CNTRL: variants seen among roughly 807,000 people sequenced by gnomAD.
The protein encoded by CNTRL is 110 kDa centrosomal protein.
In CNTRL, 233 loss-of-function variants were observed where a neutral mutation model predicts 303.7. The ratio of observed to expected loss-of-function variants is 0.77; its 90% CI spans 0.69 to 0.86. The LOEUF (loss-of-function observed/expected upper bound fraction) is 0.86, where lower values mean the gene tolerates loss of function less well. CNTRL is among the 40% of genes least tolerant of loss of function. The pLI, the probability that CNTRL is intolerant of heterozygous loss-of-function variation, is 0.00. For missense variants in CNTRL, 2,524 were observed against 2,650.6 expected, an observed-to-expected ratio of 0.95 and a Z score of 1.05; for synonymous variants, 900 against 922.2, an observed-to-expected ratio of 0.98 and a Z score of 0.44.
chr9:121,089,525 A>G (rs931845947), intron 3 of CNTRL, among the ~76,000 whole-genome samples: 3 of 152,214 alleles, frequency 2.0e-5, no homozygotes, highest in African/African-American at 4.8e-5. Context: ...CCATCCATCA[A>G]GTGACTGCTC....
chr9:121,153,001 C>T (rs1318752775), intron 26 of CNTRL, among the ~76,000 whole-genome samples: 1 of 152,198 alleles, frequency 6.6e-6, no homozygotes, highest in Admixed American at 6.5e-5. Flanking sequence ...CATTTCCCCT[C>T]TCCAGTTACC....
chr9:121,109,234 T>A (rs1246191287), intron 8 of CNTRL, among the ~76,000 whole-genome samples: 1 of 152,080 alleles, frequency 6.6e-6, no homozygotes, highest in Non-Finnish European at 1.5e-5. Flanking sequence ...AAATAATAAT[T>A]AAGAAAAAAT....
rs899434604 is a variant in CNTRL at position 121,098,695 on chromosome 9, T to C, written c.808+123T>C. On this transcript the variant is annotated intron_variant, in intron 7 of 43. Transcript: ENST00000373855. ...AAAATGTACATGGGAAATGGCAGCA[T>C]AAATCAATTCAACAAATATTTACTG... The C allele has an allele frequency of 4.9e-5, 34 of 697,426 alleles. No individual in the cohort carries two copies. The African/African-American group carries it at 5.6e-4, about 11-fold the overall frequency. 43.2% of individuals were successfully genotyped at this position (697,426 alleles called of 1,614,324 possible).
intron 25 of CNTRL, chr9:121,150,700 A>G (rs1588271092): frequency 1.9e-6 from 1 of 522,468 alleles, no homozygotes; most frequent in Non-Finnish European, 3.3e-6. Flanking sequence ...AGACTGAGAC[A>G]AGAGGATTGC....
intron 31 of CNTRL, among the ~76,000 whole-genome samples, chr9:121,159,353 G>T (rs1203682247): frequency 1.3e-5 from 2 of 152,216 alleles, no homozygotes; most frequent in East Asian, 3.9e-4. Flanking sequence ...AAAACTTCTG[G>T]CCGGGTACAG....
At chr9:121,127,871 A>C (rs2050621606) in intron 14 of CNTRL, among the ~76,000 whole-genome samples, 2 of 131,180 alleles carry the variant, frequency 1.5e-5, no homozygotes, top group Admixed American at 1.9e-4. Context: ...TTCAGTTCCT[A>C]CCTATGAGTG....
chr9:121,167,682 T>C lies in CNTRL; in HGVS notation c.5844+5T>C, dbSNP rs2053148865. 6.2e-7 allele frequency: 1 copy of C among 1,607,228 alleles called. No individual in the cohort carries two copies. The highest frequency in any genetic ancestry group is 1.1e-5 in the South Asian group (1 of 90,458). ...AAACTAGTCCAACAAGAAATGGTAC[T>C]ACACATTTATGATTTTACATAAAAA... On this transcript the variant is annotated splice_donor_5th_base_variant and intron_variant, in intron 37 of 43. Coordinates refer to ENST00000373855, the MANE Select transcript of CNTRL (RefSeq NM_007018.6).
chr9:121,090,557 C>A, intron 4 of CNTRL, 152 bp downstream of exon 4: 1 of 714,096 alleles, frequency 1.4e-6, no homozygotes, highest in South Asian at 2.2e-5. Context: ...TATGACATTT[C>A]CAAATTAATA....
intron 1 of CNTRL, 47 bp downstream of exon 1, chr9:121,075,114 G>C: frequency 2.8e-6 from 1 of 361,898 alleles, no homozygotes; most frequent in Non-Finnish European, 5.5e-6. Flanking sequence ...TCCGGCCCGA[G>C]CAGTGGGGGC....
chr9:121,121,765 C>T, intron 12 of CNTRL: 1 of 985,266 alleles, frequency 1.0e-6, no homozygotes, highest in Non-Finnish European at 1.2e-6. Flanking sequence ...GCGGGGCCGC[C>T]GCTCACTCTT....
intron 6 of CNTRL, among the ~76,000 whole-genome samples, chr9:121,097,394 C>T (rs1185087634): frequency 6.6e-6 from 1 of 152,094 alleles, no homozygotes; most frequent in Non-Finnish European, 1.5e-5. Flanking sequence ...GCCTCCTTTA[C>T]AGGGGTATTA....
intron 12 of CNTRL, 45 bp downstream of exon 12, chr9:121,118,585 A>C: frequency 7.1e-7 from 1 of 1,412,518 alleles, no homozygotes; most frequent in African/African-American, 1.4e-5. Context: ...TACATATTAC[A>C]TGTCTCATCA....
intron 40 of CNTRL, 53 bp from the exon 41 acceptor site, chr9:121,173,190 C>T (rs781707051): frequency 2.8e-5 from 42 of 1,510,650 alleles, no homozygotes; most frequent in Non-Finnish European, 3.5e-5. Context: ...AGCTCAATTC[C>T]AAGTAAGTCT....
At position 121,146,405 on chromosome 9, in the gene CNTRL, G is replaced by A. The variant is rs556844787; in HGVS notation, c.3459+149G>A. Reference sequence around the variant, plus strand: ...AGGTTCTGTAGCGTTTTTAATATTTGAGATGAAAATAGGGCCTTCTTGGGG... The same window carrying A: ...AGGTTCTGTAGCGTTTTTAATATTTAAGATGAAAATAGGGCCTTCTTGGGG... On this transcript the variant is annotated intron_variant, in intron 23 of 43. Transcript: ENST00000373855. 13 of 802,780 alleles carry A rather than the reference G, an allele frequency of 1.6e-5. No individual in the cohort carries two copies. In the African/African-American group the frequency reaches 1.9e-4, roughly 12 times the overall value. 49.7% of individuals were successfully genotyped at this position (802,780 alleles called of 1,614,324 possible). A position where few individuals can be genotyped will look rare whatever the true frequency, so the allele number is the denominator to read the frequency against.
At chr9:121,080,147 A>C (rs1322722606) in intron 1 of CNTRL, among the ~76,000 whole-genome samples, 159 bp from the exon 2 acceptor site, 1 of 152,254 alleles carries the variant, frequency 6.6e-6, no homozygotes, top group African/African-American at 2.4e-5. Flanking sequence ...GTTTTGGCTA[A>C]ACCAATTAGT....
At chr9:121,149,313 G>C (rs2052070881) in intron 24 of CNTRL, among the ~76,000 whole-genome samples, 1 of 152,160 alleles carries the variant, frequency 6.6e-6, no homozygotes, top group African/African-American at 2.4e-5. Context: ...TGTGGTCTTA[G>C]GCTAATTATT....
rs753859386 is a variant in CNTRL, at chr9:121,144,839, G to A, written c.3052-4G>A. On this transcript the variant is annotated splice_region_variant and splice_polypyrimidine_tract_variant and intron_variant, in intron 20 of 43. Coordinates refer to ENST00000373855, the MANE Select transcript of CNTRL (RefSeq NM_007018.6). The stretch of plus-strand genomic sequence containing the variant: ...GTGCCTTTCTCATACTTCTGTCCCA[G>A]TAGGAGTTGCAGGAAGCAGAGAGGT... The A allele has an allele frequency of 2.5e-6, 4 of 1,610,574 alleles. No individual in the cohort carries two copies. Among genetic ancestry groups the A allele is most frequent in the Non-Finnish European group, 3.4e-6 (4 of 1,177,672 alleles).
chr9:121,168,489 CA>C (rs993822396), intron 38 of CNTRL, among the ~76,000 whole-genome samples, 168 bp downstream of exon 38: 2 of 152,186 alleles, frequency 1.3e-5, no homozygotes, highest in Admixed American at 1.3e-4. Flanking sequence ...GAAGCAGGTT[CA>C]GAGGAGATAC....
At chr9:121,099,330 G>A (rs999394305) in intron 7 of CNTRL, among the ~76,000 whole-genome samples, 4 of 152,214 alleles carry the variant, frequency 2.6e-5, no homozygotes, top group African/African-American at 9.7e-5. Context: ...CAGACCTGCA[G>A]CTCAGGGTCC....
Sources: allele counts gnomAD v4.1 joint callset (sites outside exome capture counted in the v4.1 genomes callset), GRCh38; gene constraint gnomAD v4.1.1; transcripts MANE v1.5; gene names NCBI Gene and HGNC (gene_info 2026-07-23, HGNC 2026-07-21).